The following CCSER1 variants were observed in gnomAD, a reference collection of about 807,000 sequenced individuals.
CCSER1 encodes serine-rich coiled-coil domain-containing protein 1.
In CCSER1, 41 loss-of-function variants were observed where a neutral mutation model predicts 82.0. That is an observed-to-expected ratio of 0.50 (90% CI 0.39 to 0.65). CCSER1 has a LOEUF of 0.65. Among genes scored for constraint, CCSER1 ranks in the 30% least tolerant of loss-of-function variants. The pLI is 0.00. For synonymous variants in CCSER1, 414 were observed against 383.9 expected, an observed-to-expected ratio of 1.08 and a Z score of -0.92; for missense variants, 1,119 against 1,064.2, an observed-to-expected ratio of 1.05 and a Z score of -0.72.
At chr4:91,224,711 C>G (rs1307294615) in intron 10 of CCSER1, among the ~76,000 whole-genome samples, 1 of 152,038 alleles carries the variant, frequency 6.6e-6, no homozygotes, top group Non-Finnish European at 1.5e-5. Flanking sequence ...TAACATCTCC[C>G]TTTATAAATG....
intron 10 of CCSER1, among the ~76,000 whole-genome samples, chr4:91,482,432 A>AT (rs1757985692): frequency 1.4e-5 from 2 of 145,670 alleles, no homozygotes; most frequent in South Asian, 2.2e-4. Flanking sequence ...AAAAAAAAAA[A>AT]GTCAGGAAAC....
At position 91,496,677 on chromosome 4, in the gene CCSER1, AT is replaced by A. The variant is rs71292156; in HGVS notation, c.2218-101892del. Among the ~76,000 whole-genome samples, 2 of 26,360 alleles carry A rather than the reference AT, an allele frequency of 7.6e-5. 1 individual carries two copies. Among genetic ancestry groups the A allele is most frequent in the African/African-American group, 1.8e-4 (2 of 11,026 alleles). The allele number at this position is 26,360 out of a possible 152,430, so 17.3% of individuals were successfully genotyped here. On this transcript the variant is annotated intron_variant, in intron 10 of 10. Transcript: ENST00000509176. ...TATTGAATATATATATATTCAATAT[AT>A]TTGAATATATATATATTCAATATAT...
chr4:90,412,467 A>G (rs1039094914), intron 4 of CCSER1, among the ~76,000 whole-genome samples: 1 of 151,910 alleles, frequency 6.6e-6, no homozygotes, highest in Non-Finnish European at 1.5e-5. Flanking sequence ...AAGTATAATA[A>G]TAATAAAAAA....
intron 3 of CCSER1, among the ~76,000 whole-genome samples, chr4:90,375,632 C>T (rs1428991634): frequency 1.3e-5 from 2 of 152,184 alleles, no homozygotes; most frequent in Non-Finnish European, 1.5e-5. Flanking sequence ...TAACTCTAAC[C>T]ATGATTTGAT....
chr4:90,482,903 C>G (rs1204506024), intron 5 of CCSER1, among the ~76,000 whole-genome samples: 1 of 152,154 alleles, frequency 6.6e-6, no homozygotes, highest in Non-Finnish European at 1.5e-5. Flanking sequence ...TGGTGCAGAA[C>G]TGACTTCAAT....
At chr4:90,270,576 A>G (rs1726077494) in intron 1 of CCSER1, among the ~76,000 whole-genome samples, 1 of 152,122 alleles carries the variant, frequency 6.6e-6, no homozygotes, top group Non-Finnish European at 1.5e-5. Flanking sequence ...TTCCTCTAAG[A>G]TCTGGAACAT....
chr4:91,215,870 T>A (rs1393896597), intron 10 of CCSER1, among the ~76,000 whole-genome samples: 2 of 152,160 alleles, frequency 1.3e-5, no homozygotes, highest in Admixed American at 1.3e-4. Context: ...AAAAACAGGA[T>A]TTTTGTGTGT....
intron 9 of CCSER1, among the ~76,000 whole-genome samples, chr4:91,063,851 T>G (rs1744150333): frequency 6.6e-6 from 1 of 152,178 alleles, no homozygotes; most frequent in African/African-American, 2.4e-5. Flanking sequence ...TATTCCATTT[T>G]ACATACTCCG....
chr4:90,481,140 A>G (rs1031867945), intron 5 of CCSER1, among the ~76,000 whole-genome samples: 1 of 152,188 alleles, frequency 6.6e-6, no homozygotes, highest in South Asian at 2.1e-4. Context: ...CATTGAAGCA[A>G]TTATGAATGG....
intron 3 of CCSER1, among the ~76,000 whole-genome samples, chr4:90,371,237 T>C (rs1747347886): frequency 6.6e-6 from 1 of 152,156 alleles, no homozygotes; most frequent in African/African-American, 2.4e-5. Flanking sequence ...AAATTCAGTA[T>C]CCTTCCAGAA....
intron 4 of CCSER1, among the ~76,000 whole-genome samples, chr4:90,406,285 TAA>T (rs954126975): frequency 2.0e-5 from 3 of 152,214 alleles, no homozygotes; most frequent in African/African-American, 7.2e-5. Flanking sequence ...TATATAATGA[TAA>T]GAGTAGTCCA....
intron 10 of CCSER1, among the ~76,000 whole-genome samples, chr4:91,583,708 T>G (rs545003107): frequency 5.9e-5 from 9 of 151,676 alleles, no homozygotes; most frequent in Admixed American, 4.0e-4. Context: ...AGTACAAATA[T>G]TATGCATGTT....
intron 5 of CCSER1, among the ~76,000 whole-genome samples, chr4:90,469,238 T>C (rs1325124156): frequency 1.3e-5 from 2 of 152,100 alleles, no homozygotes; most frequent in Non-Finnish European, 2.9e-5. Context: ...AATAAGCTCT[T>C]AAGGCATAAT....
Position 91,598,658 on chromosome 4 carries a change from G to A in CCSER1, c.2304G>A (p.Arg768=). The part of the protein sequence containing the change: ...AIHTPTEDRF[R]YSAADQTSPY... The stretch of plus-strand genomic sequence containing the variant: ...ATACTCCCACCGAGGACCGTTTTAG[G>A]TATTCGGCAGCGGACCAGACAAGCC... The change falls in exon 11 of 11, where the codon AGG becomes AGA. Residue 768 remains arginine, a synonymous_variant. Transcript: ENST00000509176. 6.4e-7 allele frequency: 1 copy of A among 1,551,452 alleles called. No homozygotes were observed. The highest frequency in any genetic ancestry group is 8.7e-7 in the Non-Finnish European group (1 of 1,146,930).
chr4:90,346,936 A>G (rs565469372), intron 3 of CCSER1, among the ~76,000 whole-genome samples: 1 of 152,256 alleles, frequency 6.6e-6, no homozygotes, highest in Admixed American at 6.5e-5. Context: ...TTTCAGTGGA[A>G]GAAATAGTAA....
intron 9 of CCSER1, among the ~76,000 whole-genome samples, chr4:91,074,545 T>G (rs189404278): frequency 1.3e-5 from 2 of 152,290 alleles, no homozygotes; most frequent in Admixed American, 1.3e-4. Context: ...AGTTATACAG[T>G]TTTTAAGACT....
At chr4:90,732,226 G>A (rs1190114703) in intron 7 of CCSER1, among the ~76,000 whole-genome samples, 1 of 152,160 alleles carries the variant, frequency 6.6e-6, no homozygotes, top group Admixed American at 6.6e-5. Context: ...AAACATGTCA[G>A]TCTAATTAGG....
chr4:90,650,342 A>T (rs1456264832), intron 6 of CCSER1, among the ~76,000 whole-genome samples: 4 of 152,146 alleles, frequency 2.6e-5, no homozygotes, highest in African/African-American at 4.8e-5. Flanking sequence ...AGAATAATGA[A>T]AAAAAAGAAA....
chr4:91,192,038 A>G (rs1384940953), intron 10 of CCSER1, among the ~76,000 whole-genome samples: 1 of 152,148 alleles, frequency 6.6e-6, no homozygotes. Context: ...TTTCTTCTAC[A>G]GCAAATTGAC....
Sources: gnomAD v4.1 joint callset for allele counts (sites outside exome capture counted in the v4.1 genomes callset) on GRCh38, gnomAD v4.1.1 for gene constraint, MANE v1.5 for transcripts, NCBI Gene and HGNC (gene_info 2026-07-23, HGNC 2026-07-21) for gene names.